Variants in PLAA observed in about 807,000 individuals in gnomAD.
The protein encoded by PLAA is phospholipase A-2-activating protein.
Under a neutral mutation model 84.1 loss-of-function variants are expected in PLAA, and 48 were observed. The ratio of observed to expected loss-of-function variants is 0.57; its 90% CI spans 0.45 to 0.73. PLAA has a LOEUF of 0.73. Among genes scored for constraint, PLAA ranks in the 30% least tolerant of loss-of-function variants. The pLI is 0.00. For missense variants in PLAA, 903 were observed against 954.7 expected (o/e 0.95, Z 0.71); for synonymous variants, 392 against 336.6 (o/e 1.16, Z -1.80).
intron 2 of PLAA, among the ~76,000 whole-genome samples, chr9:26,929,356 G>A (rs977873419): frequency 1.3e-5 from 2 of 151,820 alleles, no homozygotes; most frequent in African/African-American, 2.4e-5. Context: ...GTCAGACATG[G>A]TGTCACGCGC....
rs1824946991 is a variant in PLAA, at chr9:26,926,059, C to T, written c.734-99G>A. The T allele has an allele frequency of 6.6e-6, 6 of 911,574 alleles. No homozygotes were observed. In the South Asian group the frequency reaches 1.0e-4, roughly 16 times the overall value. The allele number at this position is 911,574 out of a possible 1,614,324, so 56.5% of individuals were successfully genotyped here. On this transcript the variant is annotated intron_variant, in intron 5 of 13. Transcript: ENST00000397292. ...ACACTGACTTTTTGAAACCCAGAGA[C>T]TTTCAAAATTACAGTTTTAAATTTC...
intron 11 of PLAA, among the ~76,000 whole-genome samples, 177 bp from the exon 12 acceptor site, chr9:26,910,616 GATATA>G (rs140295440): frequency 0.038 from 5,784 of 152,132 alleles, 126 homozygotes; most frequent in Middle Eastern, 0.065. Flanking sequence ...TATATTTATT[GATATA>G]ATATTTTTTG....
intron 2 of PLAA, among the ~76,000 whole-genome samples, chr9:26,932,883 C>A (rs1825231507): frequency 6.6e-6 from 1 of 152,100 alleles, no homozygotes. Context: ...GCCTATAAAC[C>A]CAGAACTTTG....
chr9:26,932,211 T>C (rs903979389), intron 2 of PLAA, among the ~76,000 whole-genome samples: 2 of 152,106 alleles, frequency 1.3e-5, no homozygotes, highest in Non-Finnish European at 2.9e-5. Context: ...ATTCACTGGA[T>C]GTTTTTGTTT....
intron 13 of PLAA, among the ~76,000 whole-genome samples, chr9:26,906,932 T>TAA (rs1000623256): frequency 7.5e-6 from 1 of 133,124 alleles, no homozygotes; most frequent in Non-Finnish European, 1.6e-5. Flanking sequence ...GGATTTCACC[T>TAA]AAAAAAAAAA....
intron 8 of PLAA, among the ~76,000 whole-genome samples, 158 bp from the exon 9 acceptor site, chr9:26,919,687 T>C (rs543914961): frequency 6.6e-6 from 1 of 152,310 alleles, no homozygotes; most frequent in Non-Finnish European, 1.5e-5. Context: ...AGATAAAGAT[T>C]AACAGCCCCC....
chr9:26,947,065 C>G lies in PLAA; in HGVS notation c.-20G>C, dbSNP rs755156000. On this transcript the variant is annotated 5_prime_UTR_variant, in exon 1 of 14. Transcript: ENST00000397292. Reference sequence around the variant, plus strand: ...CGTCATGGCCAGTGTCTGTCTGGCGCCCGGTGCCCAGGCACTGTGCGAGAC... The same window carrying G: ...CGTCATGGCCAGTGTCTGTCTGGCGGCCGGTGCCCAGGCACTGTGCGAGAC... 1 of 1,557,986 alleles carries G rather than the reference C, an allele frequency of 6.4e-7. No homozygotes were observed. Among genetic ancestry groups the G allele is most frequent in the Admixed American group, 1.9e-5 (1 of 52,834 alleles).
intron 7 of PLAA, among the ~76,000 whole-genome samples, 171 bp downstream of exon 7, chr9:26,923,007 G>C (rs1445274967): frequency 6.6e-6 from 1 of 152,112 alleles, no homozygotes; most frequent in Non-Finnish European, 1.5e-5. Context: ...TCTTCTGTGA[G>C]ACAGAGGCAA....
intron 1 of PLAA, among the ~76,000 whole-genome samples, chr9:26,937,399 A>C (rs1825394230): frequency 6.6e-6 from 1 of 152,158 alleles, no homozygotes; most frequent in South Asian, 2.1e-4. Flanking sequence ...CAAAAACATA[A>C]CAAAAAACAG....
At chr9:26,914,867 A>G (rs1247644958) in intron 10 of PLAA, among the ~76,000 whole-genome samples, 2 of 152,186 alleles carry the variant, frequency 1.3e-5, no homozygotes, top group Non-Finnish European at 2.9e-5. Context: ...GTCCACCCAT[A>G]ACCCAGGGTT....
At chr9:26,934,112 T>C (rs1419767902) in intron 2 of PLAA, among the ~76,000 whole-genome samples, 1 of 152,152 alleles carries the variant, frequency 6.6e-6, no homozygotes, top group African/African-American at 2.4e-5. Context: ...CCTGGCACAT[T>C]ATACAAATTG....
intron 13 of PLAA, among the ~76,000 whole-genome samples, chr9:26,907,061 C>G (rs1824260535): frequency 7.1e-6 from 1 of 141,550 alleles, no homozygotes; most frequent in Non-Finnish European, 1.5e-5. Flanking sequence ...AAGACTTTTT[C>G]TCCAATAAAT....
chr9:26,920,141 G>A, intron 8 of PLAA, 86 bp downstream of exon 8: 1 of 1,097,400 alleles, frequency 9.1e-7, no homozygotes, highest in Non-Finnish European at 1.3e-6. Flanking sequence ...CAAAACAAAG[G>A]AAATTTTATC....
At position 26,946,912 on chromosome 9, in the gene PLAA, AG is replaced by A; in HGVS notation, c.133del (p.Leu45SerfsTer17). 1 of 1,578,030 alleles carries A rather than the reference AG, an allele frequency of 6.3e-7. No homozygotes were observed. Among genetic ancestry groups the A allele is most frequent in the Non-Finnish European group, 8.6e-7 (1 of 1,161,298 alleles). ...VSVSRDRTTR[L>X]WAPDSPNRSF... ...CAGCGCTCACCTGTCTGGGGCCCAGAGGCGGGTGGTGCGGTCTCGGGACACG... is the reference window on the plus strand; with the variant it reads ...CAGCGCTCACCTGTCTGGGGCCCAGAGCGGGTGGTGCGGTCTCGGGACACG... On this transcript the variant is annotated frameshift_variant, in exon 1 of 14. Coordinates refer to ENST00000397292, the MANE Select transcript of PLAA (RefSeq NM_001031689.3). LOFTEE classifies it high-confidence loss of function.
At chr9:26,942,673 G>T (rs1825576415) in intron 1 of PLAA, among the ~76,000 whole-genome samples, 1 of 152,084 alleles carries the variant, frequency 6.6e-6, no homozygotes, top group African/African-American at 2.4e-5. Flanking sequence ...ACGAGGTCAG[G>T]AGATCCAGAC....
At chr9:26,935,245 C>G in intron 1 of PLAA, 39 bp from the exon 2 acceptor site, 1 of 1,331,060 alleles carries the variant, frequency 7.5e-7, no homozygotes, top group Non-Finnish European at 1.0e-6. Flanking sequence ...ATATTCGTAC[C>G]CTGACTTAGC....
At chr9:26,946,067 G>C (rs920478278) in intron 1 of PLAA, among the ~76,000 whole-genome samples, 2 of 152,144 alleles carry the variant, frequency 1.3e-5, no homozygotes, top group African/African-American at 4.8e-5. Flanking sequence ...GCACTCAACA[G>C]TTATCAACTG....
chr9:26,913,778 T>C (rs1824464968), intron 11 of PLAA, 101 bp downstream of exon 11: 13 of 801,412 alleles, frequency 1.6e-5, no homozygotes, highest in South Asian at 1.4e-4. Context: ...TATAAAAAGT[T>C]CTCAAGCAAG....
chr9:26,933,265 TAA>T (rs11299663), intron 2 of PLAA, among the ~76,000 whole-genome samples: 8 of 137,134 alleles, frequency 5.8e-5, no homozygotes, highest in East Asian at 4.2e-4. Flanking sequence ...AGACTCTGTC[TAA>T]AAAAAAAAAA....
Sources: allele counts gnomAD v4.1 joint callset (sites outside exome capture counted in the v4.1 genomes callset), GRCh38; gene constraint gnomAD v4.1.1; transcripts MANE v1.5; gene names NCBI Gene and HGNC (gene_info 2026-07-23, HGNC 2026-07-21).